Variants in RORB observed in about 807,000 individuals in gnomAD.
RORB encodes the protein RAR related orphan receptor B.
A neutral mutation model predicts 59.1 loss-of-function variants in RORB; 6 were observed. The observed-to-expected ratio is 0.10, with a 90% CI of 0.06 to 0.20. RORB has a LOEUF of 0.20. Ranked by LOEUF, RORB falls within the 10% of genes least tolerant of loss-of-function variation. The pLI is 1.00. For missense variants in RORB, 320 were observed against 560.5 expected (o/e 0.57, Z 4.33); for synonymous variants, 215 against 204.5 (o/e 1.05, Z -0.44).
chr9:74,675,940 T>A (rs1456322567), intron 9 of RORB, among the ~76,000 whole-genome samples: 1 of 152,224 alleles, frequency 6.6e-6, no homozygotes, highest in Non-Finnish European at 1.5e-5. Flanking sequence ...CTATAAAGAC[T>A]GTTGCTCTTC....
intron 1 of RORB, among the ~76,000 whole-genome samples, chr9:74,533,715 T>A (rs1826280083): frequency 6.6e-6 from 1 of 152,070 alleles, no homozygotes; most frequent in African/African-American, 2.4e-5. Context: ...TGCCATTATA[T>A]CCATCAGCTA....
chr9:74,577,450 G>A (rs1398342420), intron 1 of RORB, among the ~76,000 whole-genome samples: 1 of 152,048 alleles, frequency 6.6e-6, no homozygotes, highest in Admixed American at 6.6e-5. Flanking sequence ...AGCACTGTCA[G>A]GCATCACAGT....
chr9:74,514,285 C>G (rs1825980303), intron 1 of RORB, among the ~76,000 whole-genome samples: 1 of 152,052 alleles, frequency 6.6e-6, no homozygotes, highest in Non-Finnish European at 1.5e-5. Flanking sequence ...TTCCACTAGA[C>G]CACATATCTG....
Position 74,527,014 on chromosome 9 carries a change from G to C in RORB, c.7+29031G>C, listed in dbSNP as rs148096576. On this transcript the variant is annotated intron_variant, in intron 1 of 9. Transcript: ENST00000376896. Reference sequence around the variant, plus strand: ...CCATCAAGTGCCAATATTATATGTTGATAGATTTACAGCTACTCTCAAAAG... The same window carrying C: ...CCATCAAGTGCCAATATTATATGTTCATAGATTTACAGCTACTCTCAAAAG... 9.1e-4 allele frequency among the ~76,000 whole-genome samples: 139 copies of C among 151,962 alleles called. 1 individual carries two copies. The highest frequency in any genetic ancestry group is 3.2e-3 in the African/African-American group (132 of 41,490).
At chr9:74,557,348 T>A (rs1049020696) in intron 1 of RORB, among the ~76,000 whole-genome samples, 1 of 152,184 alleles carries the variant, frequency 6.6e-6, no homozygotes, top group East Asian at 1.9e-4. Context: ...CCCCAGTTGC[T>A]GCTGGCAAAC....
intron 3 of RORB, among the ~76,000 whole-genome samples, chr9:74,637,718 G>T (rs1823730140): frequency 6.6e-6 from 1 of 152,114 alleles, no homozygotes; most frequent in Non-Finnish European, 1.5e-5. Context: ...GACAGAAGTT[G>T]CCCTAAAAGG....
intron 1 of RORB, among the ~76,000 whole-genome samples, chr9:74,578,509 C>T (rs1163343280): frequency 6.6e-6 from 1 of 152,012 alleles, no homozygotes; most frequent in Non-Finnish European, 1.5e-5. Context: ...TGTAACAAAC[C>T]TGCACATGTA....
chr9:74,595,825 G>A (rs1345725320), intron 1 of RORB, among the ~76,000 whole-genome samples: 2 of 152,090 alleles, frequency 1.3e-5, no homozygotes, highest in African/African-American at 4.8e-5. Flanking sequence ...GAGTTTTTTG[G>A]GGTCACGTTT....
intron 5 of RORB, 72 bp from the exon 6 acceptor site, chr9:74,662,402 C>G: frequency 6.6e-7 from 1 of 1,509,136 alleles, no homozygotes; most frequent in Admixed American, 1.7e-5. Context: ...ACCAGTAAGG[C>G]AAACCTGAGT....
intron 1 of RORB, chr9:74,498,615 T>C (rs892614133): frequency 2.0e-5 from 3 of 152,434 alleles, no homozygotes; most frequent in Non-Finnish European, 4.4e-5. Context: ...CGCTGCGCCC[T>C]GGCCAGGTCC....
chr9:74,656,899 A>T (rs1824091983), intron 4 of RORB, among the ~76,000 whole-genome samples: 1 of 152,202 alleles, frequency 6.6e-6, no homozygotes, highest in Non-Finnish European at 1.5e-5. Context: ...TCCCTACTTC[A>T]GTCACAAAAT....
chr9:74,614,799 T>A (rs1823285831), intron 1 of RORB, among the ~76,000 whole-genome samples: 1 of 152,194 alleles, frequency 6.6e-6, no homozygotes, highest in Non-Finnish European at 1.5e-5. Flanking sequence ...TTTGTTCCCA[T>A]GGAAGTTAAC....
chr9:74,610,934 T>C lies in RORB; in HGVS notation c.8-19348T>C, dbSNP rs34923239. ...CCGCTGACTTTGCTGGTCTGGGGACTACACTTTTCAAGAACCTCCGTGGGA... is the reference window on the plus strand; with the variant it reads ...CCGCTGACTTTGCTGGTCTGGGGACCACACTTTTCAAGAACCTCCGTGGGA... On this transcript the variant is annotated intron_variant, in intron 1 of 9. Coordinates refer to ENST00000376896, the MANE Select transcript of RORB (RefSeq NM_006914.4). 1.3e-3 allele frequency among the ~76,000 whole-genome samples: 205 copies of C among 152,310 alleles called. 1 individual carries two copies. Among genetic ancestry groups the C allele is most frequent in the Middle Eastern group, 3.4e-3 (1 of 294 alleles).
At chr9:74,505,827 G>C (rs1041459418) in intron 1 of RORB, among the ~76,000 whole-genome samples, 2 of 151,992 alleles carry the variant, frequency 1.3e-5, no homozygotes, top group Admixed American at 1.3e-4. Flanking sequence ...ACAAATAATA[G>C]TATTGCTCTC....
At chr9:74,516,546 T>C (rs892220294) in intron 1 of RORB, among the ~76,000 whole-genome samples, 1 of 151,916 alleles carries the variant, frequency 6.6e-6, no homozygotes, top group East Asian at 1.9e-4. Flanking sequence ...GTTTGAACTT[T>C]TGAAAAAAAG....
intron 1 of RORB, among the ~76,000 whole-genome samples, chr9:74,583,952 T>A (rs190282213): frequency 2.0e-4 from 31 of 152,312 alleles, no homozygotes; most frequent in African/African-American, 7.2e-4. Context: ...CTCAAGCTTA[T>A]GCAAATGTTG....
rs1239268431 is a variant in RORB, at chr9:74,686,914, G to A, written c.*1296G>A. ...ATCTGTGTTATTCTAGGGAACTAAT[G>A]TACCCCAAAGCCAAAACTAATTCCT... On this transcript the variant is annotated 3_prime_UTR_variant, in exon 10 of 10. Coordinates refer to ENST00000376896, the MANE Select transcript of RORB (RefSeq NM_006914.4). The A allele has an allele frequency of 6.6e-6, 1 of 152,144 alleles. No homozygotes were observed. The highest frequency in any genetic ancestry group is 1.5e-5 in the Non-Finnish European group (1 of 68,002). The allele number at this position is 152,144 out of a possible 1,614,324, so 9.4% of individuals were successfully genotyped here. A position where few individuals can be genotyped will look rare whatever the true frequency, so the allele number is the denominator to read the frequency against.
In RORB at chr9:74,642,403, C is replaced by T. The variant is rs748861722; in HGVS notation, c.236-11C>T. ...CACAAGTGCTGTTTTCTGCTTTTCT[C>T]TCCAACCCAGCTGTGAAGTTTGGGA... is the stretch of plus-strand genomic sequence containing the variant. On this transcript the variant is annotated splice_polypyrimidine_tract_variant and intron_variant, in intron 3 of 9. Coordinates refer to ENST00000376896, the MANE Select transcript of RORB (RefSeq NM_006914.4). The T allele has an allele frequency of 3.1e-6, 5 of 1,597,146 alleles. No individual in the cohort carries two copies. Among genetic ancestry groups the T allele is most frequent in the African/African-American group, 1.3e-5 (1 of 74,514 alleles).
At chr9:74,602,010 C>T (rs1823064930) in intron 1 of RORB, among the ~76,000 whole-genome samples, 1 of 152,096 alleles carries the variant, frequency 6.6e-6, no homozygotes, top group Non-Finnish European at 1.5e-5. Flanking sequence ...CTGGCCAGTC[C>T]CACACCGACA....
Sources: allele counts gnomAD v4.1 joint callset (sites outside exome capture counted in the v4.1 genomes callset), GRCh38; gene constraint gnomAD v4.1.1; transcripts MANE v1.5; gene names NCBI Gene and HGNC (gene_info 2026-07-23, HGNC 2026-07-21).